Variants in ZNF729 observed in about 807,000 individuals in gnomAD.
The protein encoded by ZNF729 is zinc finger protein 729.
Under a neutral mutation model 12.2 loss-of-function variants are expected in ZNF729, and 15 were observed. That is an observed-to-expected ratio of 1.23 (90% CI 0.82 to 1.89). The LOEUF is 1.89. ZNF729 is among the 40% of genes most tolerant of loss of function. The pLI is 0.00. For missense variants in ZNF729, 1,540 were observed against 1,456.7 expected, an observed-to-expected ratio of 1.06 and a Z score of -0.93; for synonymous variants, 492 against 476.3, an observed-to-expected ratio of 1.03 and a Z score of -0.43.
At position 22,314,755 on chromosome 19, in the gene ZNF729, C is replaced by A; in HGVS notation, c.1338C>A (p.Thr446=). ...GCAAAGCTTTTAACAGTTCCTCAAC[C>A]CTTATGAAACATAAGATAATTCATA... is the stretch of plus-strand genomic sequence containing the variant. The part of the protein sequence containing the change: ...ECGKAFNSSS[T]LMKHKIIHTG... The change falls in exon 4 of 4, where the codon ACC becomes ACA. Residue 446 remains threonine (T), a synonymous_variant. Coordinates refer to ENST00000601693, the MANE Select transcript of ZNF729 (RefSeq NM_001242680.2). 2 of 1,613,048 alleles carry A rather than the reference C, an allele frequency of 1.2e-6. No individual in the cohort carries two copies. Among genetic ancestry groups the A allele is most frequent in the Non-Finnish European group, 1.7e-6 (2 of 1,179,750 alleles).
chr19:22,291,977 C>T (rs1968161625), intron 1 of ZNF729, among the ~76,000 whole-genome samples: 2 of 152,164 alleles, frequency 1.3e-5, no homozygotes, highest in South Asian at 4.1e-4. Flanking sequence ...CGTGATCCGC[C>T]CACCTCAGCC....
In ZNF729 at chr19:22,316,154, T is replaced by C. The variant is rs1364705415; in HGVS notation, c.2737T>C (p.Cys913Arg). The C allele has an allele frequency of 1.3e-6, 2 of 1,579,232 alleles. No homozygotes were observed. Among genetic ancestry groups the C allele is most frequent in the African/African-American group, 2.7e-5 (2 of 73,946 alleles). Residue 913 changes from cysteine (C) to arginine (R), a missense_variant, in exon 4 of 4, where the codon TGT becomes CGT. Coordinates refer to ENST00000601693, the MANE Select transcript of ZNF729 (RefSeq NM_001242680.2). The part of the protein sequence containing the change: ...TAEKPCKCEE[C>R]GKAFKHFSAL... Reference sequence around the variant, plus strand: ...AGAGAAACCCTGTAAATGTGAAGAATGTGGCAAAGCTTTTAAGCATTTCTC... The same window carrying C: ...AGAGAAACCCTGTAAATGTGAAGAACGTGGCAAAGCTTTTAAGCATTTCTC...
At chr19:22,304,024 T>G in intron 2 of ZNF729, 140 bp downstream of exon 2, 1 of 838,276 alleles carries the variant, frequency 1.2e-6, no homozygotes, top group Non-Finnish European at 1.6e-6. Context: ...GATTTATAAG[T>G]GTAGAAAGGA....
At chr19:22,313,608 T>G (rs1568576674) in intron 3 of ZNF729, 63 bp from the exon 4 acceptor site, 5 of 1,365,104 alleles carry the variant, frequency 3.7e-6, no homozygotes, top group Non-Finnish European at 4.8e-6. Flanking sequence ...ATAGGTTAGA[T>G]TTGTAAAGTA....
chr19:22,297,316 C>G (rs1449874010), intron 1 of ZNF729, among the ~76,000 whole-genome samples: 1 of 149,894 alleles, frequency 6.7e-6, no homozygotes, highest in Non-Finnish European at 1.5e-5. Flanking sequence ...AGCATATTTT[C>G]AAGTGCACAC....
At position 22,316,545 on chromosome 19, in the gene ZNF729, C is replaced by G. The variant is rs758682150; in HGVS notation, c.3128C>G (p.Thr1043Ser). The G allele has an allele frequency of 6.2e-7, 1 of 1,613,654 alleles. No homozygotes were observed. The highest frequency in any genetic ancestry group is 2.2e-5 in the East Asian group (1 of 44,840). The change falls in exon 4 of 4, where the codon ACT becomes AGT. Residue 1043 changes from threonine (T) to serine (S), a missense_variant. Transcript: ENST00000601693. Reference protein sequence around the residue: ...SALMKHKIIHTGEKPYKCEEC... With the variant: ...SALMKHKIIHSGEKPYKCEEC... ...CTTATGAAACATAAGATAATTCATA[C>G]TGGGGAGAAACCCTACAAATGTGAA...
At position 22,316,914 on chromosome 19, in the gene ZNF729, G is replaced by A. The variant is rs141137940; in HGVS notation, c.3497G>A (p.Gly1166Asp). The change falls in exon 4 of 4, where the codon GGC becomes GAC. Residue 1166 changes from glycine to aspartate, a missense_variant. Physicochemically the swap from Gly to Asp is moderately conservative, Grantham distance 94. Coordinates refer to ENST00000601693, the MANE Select transcript of ZNF729 (RefSeq NM_001242680.2). Reference sequence around the variant, plus strand: ...AAACCCTACAAATGTGAAGAATGTGGCAAAGCCTTTAACCAGTCCTCACAC... The same window carrying A: ...AAACCCTACAAATGTGAAGAATGTGACAAAGCCTTTAACCAGTCCTCACAC... ...VEKPYKCEEC[G>D]KAFNQSSHLT... 3.4e-4 allele frequency: 556 copies of A among 1,612,636 alleles called. 2 individuals carry two copies. The African/African-American group carries it at 6.8e-3, about 20-fold the overall frequency.
chr19:22,286,658 A>C (rs1313308957), intron 1 of ZNF729, 103 bp downstream of exon 1: 2 of 1,421,648 alleles, frequency 1.4e-6, no homozygotes, highest in Non-Finnish European at 2.0e-6. Context: ...TCAGCTCCAC[A>C]ATCTGCGCCT....
At chr19:22,311,811 G>A (rs1030348499) in intron 3 of ZNF729, among the ~76,000 whole-genome samples, 5 of 152,120 alleles carry the variant, frequency 3.3e-5, no homozygotes, top group East Asian at 1.9e-4. Context: ...CACTATTATT[G>A]TGTTGGTGTC....
In ZNF729 at chr19:22,315,721, C is replaced by T. The variant is rs1242927140; in HGVS notation, c.2304C>T (p.Tyr768=). Residue 768 remains tyrosine, a synonymous_variant, in exon 4 of 4, where the codon TAC becomes TAT. Coordinates refer to ENST00000601693, the MANE Select transcript of ZNF729 (RefSeq NM_001242680.2). ...HKVIHTREKL[Y]KCEECVKAFN... is the part of the protein sequence containing the mutation. ...TAATTCATACTAGGGAGAAATTGTA[C>T]AAATGTGAAGAATGTGTCAAAGCTT... 3.2e-5 allele frequency: 52 copies of T among 1,605,084 alleles called. No individual in the cohort carries two copies. Among genetic ancestry groups the T allele is most frequent in the Middle Eastern group, 1.6e-4 (1 of 6,066 alleles).
chr19:22,306,143 A>C (rs1472035054), intron 3 of ZNF729, among the ~76,000 whole-genome samples: 2 of 152,110 alleles, frequency 1.3e-5, no homozygotes, highest in African/African-American at 4.8e-5. Flanking sequence ...TGATTTCTTA[A>C]AGAAATAAAG....
In ZNF729 at chr19:22,291,691, C is replaced by G. The variant is rs1464298116; in HGVS notation, c.30+5136C>G. Among the ~76,000 whole-genome samples the G allele has an allele frequency of 2.0e-5, 3 of 152,012 alleles. No individual in the cohort carries two copies. In the East Asian group the frequency reaches 5.8e-4, roughly 29 times the overall value. On this transcript the variant is annotated intron_variant, in intron 1 of 3. Coordinates refer to ENST00000601693, the MANE Select transcript of ZNF729 (RefSeq NM_001242680.2). ...TCTGTAGCACAAACCAGTCCTTCCA[C>G]CTGCATTGCCCTCTCCCCAACCCAT... is the stretch of plus-strand genomic sequence containing the variant.
intron 1 of ZNF729, among the ~76,000 whole-genome samples, chr19:22,289,586 T>C (rs1322905035): frequency 6.6e-6 from 1 of 152,158 alleles, no homozygotes; most frequent in Non-Finnish European, 1.5e-5. Flanking sequence ...TTGTTTTTTA[T>C]GGCTGGGTGT....
rs1399158274 is a variant in ZNF729, at chr19:22,315,336, C to T, written c.1919C>T (p.Ser640Phe). The change falls in exon 4 of 4, where the codon TCC becomes TTC. Residue 640 changes from serine to phenylalanine, a missense_variant. Ser to Phe is a radical substitution (Grantham distance 155, BLOSUM62 -2). Transcript: ENST00000601693. The stretch of plus-strand genomic sequence containing the variant: ...GAATGTGGCAAAGCTTTTAGGCAAT[C>T]CTCACACCTTACTAGACATAAAGCA... ...CEECGKAFRQ[S>F]SHLTRHKAIH... 1.2e-6 allele frequency: 2 copies of T among 1,611,748 alleles called. No individual in the cohort carries two copies. The highest frequency in any genetic ancestry group is 8.5e-7 in the Non-Finnish European group (1 of 1,179,282).
chr19:22,295,439 G>A (rs970826186), intron 1 of ZNF729, among the ~76,000 whole-genome samples: 1 of 148,908 alleles, frequency 6.7e-6, no homozygotes, highest in Admixed American at 6.7e-5. Flanking sequence ...CCAGGCTGGA[G>A]TGCAGTGGTG....
At chr19:22,306,857 T>C (rs1447928242) in intron 3 of ZNF729, among the ~76,000 whole-genome samples, 3 of 151,802 alleles carry the variant, frequency 2.0e-5, no homozygotes, top group Non-Finnish European at 2.9e-5. Context: ...ATTTTATATA[T>C]GTCTGTATAT....
At chr19:22,308,423 T>TTTA (rs1804603732) in intron 3 of ZNF729, among the ~76,000 whole-genome samples, 1 of 152,134 alleles carries the variant, frequency 6.6e-6, no homozygotes. Context: ...TAGTATGACT[T>TTTA]TTAGTTCTTT....
intron 3 of ZNF729, among the ~76,000 whole-genome samples, chr19:22,309,956 GT>G (rs60115013): frequency 0.028 from 3,968 of 144,092 alleles, 147 homozygotes; most frequent in African/African-American, 0.09. Context: ...AGTTTTTGGG[GT>G]TTTTTTTTTT....
intron 3 of ZNF729, among the ~76,000 whole-genome samples, chr19:22,311,001 A>G (rs1968443481): frequency 6.6e-6 from 1 of 152,078 alleles, no homozygotes; most frequent in Non-Finnish European, 1.5e-5. Flanking sequence ...AGTAGCCTTC[A>G]ATGATCTTTT....
Sources: gnomAD v4.1 joint callset for allele counts (sites outside exome capture counted in the v4.1 genomes callset) on GRCh38, gnomAD v4.1.1 for gene constraint, MANE v1.5 for transcripts, NCBI Gene and HGNC (gene_info 2026-07-23, HGNC 2026-07-21) for gene names.